The following AKAP12 variants were observed in gnomAD, a reference collection of about 807,000 sequenced individuals.
AKAP12 encodes the protein A-kinase anchoring protein 12, also known as A-kinase anchor protein 12.
Under a neutral mutation model 79.9 loss-of-function variants are expected in AKAP12, and 32 were observed. The ratio of observed to expected loss-of-function variants is 0.40; its 90% CI spans 0.30 to 0.54. The LOEUF is 0.54. Among genes scored for constraint, AKAP12 ranks in the 20% least tolerant of loss-of-function variants. The pLI, the probability that AKAP12 is intolerant of heterozygous loss-of-function variation, is 0.48. For synonymous variants in AKAP12, 808 were observed against 857.0 expected (o/e 0.94, Z 1.00); for missense variants, 2,074 against 2,177.0 (o/e 0.95, Z 0.94).
intron 2 of AKAP12, among the ~76,000 whole-genome samples, chr6:151,275,575 G>A (rs571216823): frequency 6.6e-6 from 1 of 152,284 alleles, no homozygotes; most frequent in South Asian, 2.1e-4. Context: ...TGTTGTAGAA[G>A]ACATTTGGGT....
chr6:151,344,415 A>T (rs1562749525), intron 3 of AKAP12, among the ~76,000 whole-genome samples: 1 of 152,210 alleles, frequency 6.6e-6, no homozygotes, highest in Non-Finnish European at 1.5e-5. Flanking sequence ...TTTGAAAAGA[A>T]AAAAAGAACT....
intron 2 of AKAP12, among the ~76,000 whole-genome samples, chr6:151,266,664 G>T (rs11967865): frequency 0.056 from 8,582 of 152,192 alleles, 294 homozygotes; most frequent in African/African-American, 0.088. Flanking sequence ...AAGGAAAACT[G>T]TATTCCATAA....
intron 2 of AKAP12, among the ~76,000 whole-genome samples, chr6:151,293,019 T>C (rs930441940): frequency 6.6e-6 from 1 of 152,354 alleles, no homozygotes; most frequent in Middle Eastern, 3.4e-3. Context: ...CTAAAATTTT[T>C]TGAACTTTAA....
intron 2 of AKAP12, among the ~76,000 whole-genome samples, chr6:151,305,237 A>G (rs1187359521): frequency 1.4e-5 from 2 of 147,476 alleles, no homozygotes; most frequent in African/African-American, 5.0e-5. Context: ...TATTTGTTCT[A>G]TGTATGCCTC....
intron 2 of AKAP12, among the ~76,000 whole-genome samples, chr6:151,283,815 G>A (rs1415392290): frequency 2.0e-5 from 3 of 152,124 alleles, no homozygotes; most frequent in Admixed American, 6.5e-5. Flanking sequence ...CCTCAAATCC[G>A]GGAGTCATTC....
chr6:151,340,941 A>G (rs762119307), intron 3 of AKAP12, among the ~76,000 whole-genome samples: 1 of 152,238 alleles, frequency 6.6e-6, no homozygotes, highest in Non-Finnish European at 1.5e-5. Flanking sequence ...CACATCAGGA[A>G]GCGCGATGAC....
intron 2 of AKAP12, among the ~76,000 whole-genome samples, chr6:151,267,921 C>A (rs906393491): frequency 6.6e-6 from 1 of 152,166 alleles, no homozygotes; most frequent in Admixed American, 6.6e-5. Context: ...CTGTCTCTCT[C>A]GGCGTTTGCT....
At chr6:151,266,108 C>T (rs796103517) in intron 2 of AKAP12, among the ~76,000 whole-genome samples, 6 of 152,310 alleles carry the variant, frequency 3.9e-5, no homozygotes, top group African/African-American at 1.4e-4. Context: ...TCATCCTGGT[C>T]AGAGCTGTCT....
At chr6:151,276,567 C>T (rs1776294561) in intron 2 of AKAP12, among the ~76,000 whole-genome samples, 1 of 152,254 alleles carries the variant, frequency 6.6e-6, no homozygotes, top group South Asian at 2.1e-4. Flanking sequence ...GATTTGGTTC[C>T]TCCAGTGCTG....
intron 3 of AKAP12, among the ~76,000 whole-genome samples, chr6:151,328,631 C>T (rs867754067): frequency 6.7e-5 from 8 of 120,040 alleles, no homozygotes; most frequent in South Asian, 2.8e-4. Context: ...AGCAAGACTC[C>T]GTCTCAAAAA....
At chr6:151,329,855 A>C (rs1777623272) in intron 3 of AKAP12, among the ~76,000 whole-genome samples, 2 of 152,236 alleles carry the variant, frequency 1.3e-5, no homozygotes, top group African/African-American at 4.8e-5. Context: ...TCATAAAAGT[A>C]AGTTTCTCAT....
Position 151,324,447 on chromosome 6 carries a change from C to T in AKAP12, c.319+18544C>T. ...GTGCCCAAAAAGTGCAACTACGTGC[C>T]ATGCCAGCCAGCTCTCCTGGACTTC... is the stretch of plus-strand genomic sequence containing the variant. On this transcript the variant is annotated intron_variant, in intron 3 of 4. Coordinates refer to ENST00000402676, the MANE Select transcript of AKAP12 (RefSeq NM_005100.4). 4.1e-6 allele frequency: 4 copies of T among 985,280 alleles called. No individual in the cohort carries two copies. In the South Asian group the frequency reaches 1.4e-4, roughly 35 times the overall value. 61.0% of individuals were successfully genotyped at this position (985,280 alleles called of 1,614,324 possible). A position where few individuals can be genotyped will look rare whatever the true frequency, so the allele number is the denominator to read the frequency against.
intron 3 of AKAP12, among the ~76,000 whole-genome samples, chr6:151,312,578 T>TCAGGAGATCCAGACCATC (rs1436379237): frequency 1.3e-5 from 2 of 151,724 alleles, no homozygotes; most frequent in Non-Finnish European, 2.9e-5. Flanking sequence ...GATCACGAGG[T>TCAGGAGATCCAGACCATC]CAGGAGATCC....
chr6:151,325,540 G>A (rs1777500630), intron 3 of AKAP12: 13 of 1,243,948 alleles, frequency 1.0e-5, no homozygotes, highest in Non-Finnish European at 1.2e-5. Flanking sequence ...TGTGCGGCCC[G>A]GGCGGGGAAG....
At chr6:151,318,902 C>T (rs1370427772) in intron 3 of AKAP12, among the ~76,000 whole-genome samples, 1 of 151,642 alleles carries the variant, frequency 6.6e-6, no homozygotes, top group Non-Finnish European at 1.5e-5. Flanking sequence ...TCACCATTTA[C>T]ACTGTAGCCT....
chr6:151,287,999 G>A (rs118180145), intron 2 of AKAP12, among the ~76,000 whole-genome samples: 8,754 of 151,288 alleles, frequency 0.058, 416 homozygotes, highest in Non-Finnish European at 0.083. Flanking sequence ...TCACTCATAC[G>A]TAGGAGTTGA....
In AKAP12 at chr6:151,332,367, G is replaced by A. The variant is rs189092766; in HGVS notation, c.320-16344G>A. On this transcript the variant is annotated intron_variant, in intron 3 of 4. Coordinates refer to ENST00000402676, the MANE Select transcript of AKAP12 (RefSeq NM_005100.4). ...TGCATCTTATATGCACTATATCCAT[G>A]CAGAGATCCCTCCTTCTTGGGTATA... Among the ~76,000 whole-genome samples, 79 of 152,188 alleles carry A rather than the reference G, an allele frequency of 5.2e-4. No homozygotes were observed. In the East Asian group the frequency reaches 7.5e-3, roughly 15 times the overall value.
intron 2 of AKAP12, among the ~76,000 whole-genome samples, chr6:151,268,881 C>T (rs1349649359): frequency 1.5e-4 from 23 of 149,002 alleles, no homozygotes; most frequent in Admixed American, 2.7e-4. Flanking sequence ...TGTCCTCAAG[C>T]GATCCACCCG....
chr6:151,283,574 A>T (rs1277687407), intron 2 of AKAP12, among the ~76,000 whole-genome samples: 2 of 152,192 alleles, frequency 1.3e-5, no homozygotes, highest in Non-Finnish European at 1.5e-5. Flanking sequence ...CGCTTGGTAC[A>T]CTTGTGATAG....
Sources: gnomAD v4.1 joint callset for allele counts (sites outside exome capture counted in the v4.1 genomes callset) on GRCh38, gnomAD v4.1.1 for gene constraint, MANE v1.5 for transcripts, NCBI Gene and HGNC (gene_info 2026-07-23, HGNC 2026-07-21) for gene names.